The following HIVEP3 variants were observed in gnomAD, a reference collection of about 807,000 sequenced individuals.
HIVEP3 encodes HIVEP zinc finger 3, also known as transcription factor HIVEP3.
A neutral mutation model predicts 152.8 loss-of-function variants in HIVEP3; 49 were observed. The ratio of observed to expected loss-of-function variants is 0.32; its 90% CI spans 0.26 to 0.41. The LOEUF (loss-of-function observed/expected upper bound fraction) is 0.41, where lower values mean the gene tolerates loss of function less well. Among genes scored for constraint, HIVEP3 ranks in the 10% least tolerant of loss-of-function variants. HIVEP3 has a pLI of 1.00. For synonymous variants in HIVEP3, 1,269 were observed against 1,289.0 expected, an observed-to-expected ratio of 0.98 and a Z score of 0.33; for missense variants, 2,790 against 3,103.3, an observed-to-expected ratio of 0.90 and a Z score of 2.40.
intron 1 of HIVEP3, among the ~76,000 whole-genome samples, chr1:41,848,673 A>T (rs1370295716): frequency 6.6e-6 from 1 of 152,134 alleles, no homozygotes; most frequent in Non-Finnish European, 1.5e-5. Context: ...TTACAGAAAG[A>T]GGGCAGAAGG....
At chr1:41,814,562 C>T (rs1651152349) in intron 1 of HIVEP3, among the ~76,000 whole-genome samples, 1 of 152,238 alleles carries the variant, frequency 6.6e-6, no homozygotes, top group African/African-American at 2.4e-5. Context: ...AGCCATGAAT[C>T]TTGCATAACC....
intron 6 of HIVEP3, among the ~76,000 whole-genome samples, chr1:41,522,827 G>A (rs775074202): frequency 1.3e-5 from 2 of 152,242 alleles, no homozygotes; most frequent in African/African-American, 2.4e-5. Flanking sequence ...TTCCTGAGGC[G>A]ATGGGCAGCC....
chr1:41,515,474 C>T (rs1642576042), intron 7 of HIVEP3, among the ~76,000 whole-genome samples: 1 of 152,084 alleles, frequency 6.6e-6, no homozygotes, highest in African/African-American at 2.4e-5. Flanking sequence ...TGTAGTTATG[C>T]CCCAGGCATT....
chr1:41,622,749 C>T (rs941239940), intron 3 of HIVEP3, among the ~76,000 whole-genome samples: 4 of 152,182 alleles, frequency 2.6e-5, no homozygotes, highest in Non-Finnish European at 4.4e-5. Flanking sequence ...ACTCTCGGAT[C>T]ATGCTGGGAT....
intron 1 of HIVEP3, among the ~76,000 whole-genome samples, chr1:41,916,374 G>C (rs1290257487): frequency 6.6e-6 from 1 of 152,156 alleles, no homozygotes; most frequent in Non-Finnish European, 1.5e-5. Flanking sequence ...TAGCCTTAAG[G>C]GGCCAGACTT....
At chr1:41,574,813 A>G (rs974395056) in intron 5 of HIVEP3, among the ~76,000 whole-genome samples, 1 of 152,210 alleles carries the variant, frequency 6.6e-6, no homozygotes, top group Admixed American at 6.5e-5. Context: ...ACAGACACCC[A>G]AATCCCAGGA....
chr1:41,692,467 C>T (rs1646212280), intron 2 of HIVEP3, among the ~76,000 whole-genome samples: 2 of 152,130 alleles, frequency 1.3e-5, no homozygotes, highest in African/African-American at 4.8e-5. Flanking sequence ...AATGAATCAA[C>T]AATCTATGTT....
chr1:41,920,592 TTTTG>T (rs1190476506), upstream of HIVEP3, among the ~76,000 whole-genome samples: 1 of 143,922 alleles, frequency 6.9e-6, no homozygotes, highest in African/African-American at 2.7e-5. Flanking sequence ...TTTTTTTTTG[TTTTG>T]TTTTTTACCC....
chr1:41,584,374 T>A lies in HIVEP3; in HGVS notation c.424A>T (p.Ser142Cys). The change falls in exon 4 of 9, where the codon AGC becomes TGC. Residue 142 changes from serine (S) to cysteine (C), a missense_variant. This residue lies in a region of HIVEP3 where 209 missense variants were observed against 237.0 expected (regional missense o/e 0.88). Transcript: ENST00000372583. The surrounding 1 kb of genome is among the most constrained non-coding windows in gnomAD (Gnocchi z 5.2). The stretch of plus-strand genomic sequence containing the variant: ...GAAGCGTGGGAAGGAAGGAGCTGGC[T>A]CTGAGGATGGAGCCCAGGGGCCACG... The part of the protein sequence containing the change: ...SFVAPGLHPQ[S>C]QLLPSHASII... The A allele has an allele frequency of 6.2e-6, 10 of 1,613,788 alleles. No individual in the cohort carries two copies. Among genetic ancestry groups the A allele is most frequent in the Non-Finnish European group, 8.5e-6 (10 of 1,179,832 alleles).
At chr1:41,881,207 A>G (rs1033917590) in intron 1 of HIVEP3, among the ~76,000 whole-genome samples, 1 of 152,234 alleles carries the variant, frequency 6.6e-6, no homozygotes, top group African/African-American at 2.4e-5. Context: ...TGCAACATCT[A>G]ATACAGGTCA....
rs757841877 is a variant in HIVEP3, at chr1:41,584,845, C to T, written c.-48G>A. ...GCTATTCAGGGAGAGTCAGGGCGGG[C>T]TGCATTTATGAATAATCCCAGTGTC... is the stretch of plus-strand genomic sequence containing the variant. On this transcript the variant is annotated 5_prime_UTR_variant, in exon 4 of 9. Transcript: ENST00000372583. The surrounding 1 kb of genome is among the most constrained non-coding windows in gnomAD (Gnocchi z 5.2). The T allele has an allele frequency of 1.4e-6, 2 of 1,430,736 alleles. No individual in the cohort carries two copies. The highest frequency in any genetic ancestry group is 1.9e-6 in the Non-Finnish European group (2 of 1,081,042). The allele number at this position is 1,430,736 out of a possible 1,614,324, so 88.6% of individuals were successfully genotyped here.
chr1:41,521,851 G>A (rs1386877227), intron 6 of HIVEP3, among the ~76,000 whole-genome samples: 2 of 152,220 alleles, frequency 1.3e-5, no homozygotes, highest in African/African-American at 4.8e-5. Context: ...TGAGGCGATC[G>A]GTGCAAGGGC....
At chr1:41,817,801 A>G (rs1057090482) in intron 1 of HIVEP3, among the ~76,000 whole-genome samples, 5 of 152,150 alleles carry the variant, frequency 3.3e-5, no homozygotes, top group Non-Finnish European at 5.9e-5. Flanking sequence ...ACCTTGTGCA[A>G]TTTCTGGAGA....
intron 5 of HIVEP3, among the ~76,000 whole-genome samples, chr1:41,538,618 C>T (rs1643456065): frequency 6.6e-6 from 1 of 152,130 alleles, no homozygotes; most frequent in South Asian, 2.1e-4. Context: ...CTTTATTCTA[C>T]AGAATTGGAT....
At position 41,673,977 on chromosome 1, in the gene HIVEP3, C is replaced by CAG. The variant is rs563366559; in HGVS notation, c.-721+26937_-721+26938dup. Among the ~76,000 whole-genome samples, 32 of 152,336 alleles carry CAG rather than the reference C, an allele frequency of 2.1e-4. No individual in the cohort carries two copies. In the South Asian group the frequency reaches 6.6e-3, roughly 32 times the overall value. On this transcript the variant is annotated intron_variant, in intron 2 of 8. Transcript: ENST00000372583. Reference sequence around the variant, plus strand: ...TCTTCTGCAGAAAAGGAAACAGGCACAGAGAGCTTTGATGATGCACAGCTG... The same window carrying CAG: ...TCTTCTGCAGAAAAGGAAACAGGCACAGAGAGAGCTTTGATGATGCACAGCTG...
At chr1:41,974,124 A>T (rs1263014117) in intron 1 of HIVEP3, among the ~76,000 whole-genome samples, 3 of 152,120 alleles carry the variant, frequency 2.0e-5, no homozygotes, top group Admixed American at 6.5e-5. Context: ...CAAGGAGGGC[A>T]GGGGGTGGAG....
At chr1:41,914,126 T>G (rs953865537) in intron 1 of HIVEP3, among the ~76,000 whole-genome samples, 1 of 152,140 alleles carries the variant, frequency 6.6e-6, no homozygotes, top group African/African-American at 2.4e-5. Flanking sequence ...GGGAGACCCA[T>G]CAGTCATGTA....
At chr1:41,881,383 A>G (rs757638630) in intron 1 of HIVEP3, among the ~76,000 whole-genome samples, 13 of 152,214 alleles carry the variant, frequency 8.5e-5, no homozygotes, top group Non-Finnish European at 8.8e-5. Context: ...GGGTCATAAC[A>G]TGAACCCAGG....
intron 1 of HIVEP3, among the ~76,000 whole-genome samples, chr1:41,758,778 A>G (rs1423418697): frequency 6.6e-6 from 1 of 152,192 alleles, no homozygotes; most frequent in Non-Finnish European, 1.5e-5. Context: ...ACTAGCAGTG[A>G]TTGATTTGTA....
Sources: allele counts gnomAD v4.1 joint callset (sites outside exome capture counted in the v4.1 genomes callset), GRCh38; gene constraint gnomAD v4.1.1; regional missense constraint gnomAD v4.1.1; non-coding constraint Gnocchi (gnomAD v3.1); transcripts MANE v1.5; gene names NCBI Gene and HGNC (gene_info 2026-07-23, HGNC 2026-07-21).